Variants in SMARCC1 observed in about 807,000 individuals in gnomAD.
The protein encoded by SMARCC1 is SWI/SNF complex subunit SMARCC1.
A neutral mutation model predicts 147.4 loss-of-function variants in SMARCC1; 43 were observed. That is an observed-to-expected ratio of 0.29 (90% CI 0.23 to 0.38). SMARCC1 has a LOEUF of 0.38. Among genes scored for constraint, SMARCC1 ranks in the 10% least tolerant of loss-of-function variants. The pLI is 1.00. For missense variants in SMARCC1, 1,119 were observed against 1,381.1 expected, an observed-to-expected ratio of 0.81 and a Z score of 3.01; for synonymous variants, 495 against 484.4, an observed-to-expected ratio of 1.02 and a Z score of -0.29.
At chr3:47,668,817 T>G in intron 19 of SMARCC1, among the ~76,000 whole-genome samples, 1 of 151,326 alleles carries the variant, frequency 6.6e-6, no homozygotes, top group Non-Finnish European at 1.5e-5. Flanking sequence ...CTCGGGAAAT[T>G]GAGGCTGCAG....
intron 14 of SMARCC1, among the ~76,000 whole-genome samples, chr3:47,682,670 G>A (rs1455598779): frequency 2.0e-5 from 3 of 151,848 alleles, no homozygotes; most frequent in Non-Finnish European, 4.4e-5. Context: ...TCACTATTTT[G>A]GAATAATTAA....
intron 12 of SMARCC1, among the ~76,000 whole-genome samples, chr3:47,691,582 C>G (rs1281680127): frequency 1.3e-5 from 2 of 151,980 alleles, no homozygotes; most frequent in Non-Finnish European, 2.9e-5. Context: ...CTATTGCACT[C>G]CAGGCTGGGT....
rs1222923533 is a variant in SMARCC1, at chr3:47,680,316, C to CT, written c.1457+120dup. 13 of 733,920 alleles carry CT rather than the reference C, an allele frequency of 1.8e-5. No individual in the cohort carries two copies. In the East Asian group the frequency reaches 3.3e-4, roughly 19 times the overall value. 45.5% of individuals were successfully genotyped at this position (733,920 alleles called of 1,614,324 possible). ...ATGCTATGCAAATGAGATATGAACACTGTTCTGAAAGGAGTATTTGCAAAC... is the reference window on the plus strand; with the variant it reads ...ATGCTATGCAAATGAGATATGAACACTTGTTCTGAAAGGAGTATTTGCAAAC... On this transcript the variant is annotated intron_variant, in intron 15 of 27. Transcript: ENST00000254480.
intron 19 of SMARCC1, among the ~76,000 whole-genome samples, chr3:47,669,492 T>C: frequency 6.6e-6 from 1 of 152,150 alleles, no homozygotes; most frequent in East Asian, 1.9e-4. Context: ...TAGATATGGC[T>C]ATACAAAATA....
chr3:47,652,949 C>CTTTT (rs55872948), intron 21 of SMARCC1, among the ~76,000 whole-genome samples: 10 of 129,650 alleles, frequency 7.7e-5, no homozygotes, highest in African/African-American at 1.1e-4. Context: ...GCTTTACTTT[C>CTTTT]TTTTTTTTTT....
intron 25 of SMARCC1, among the ~76,000 whole-genome samples, chr3:47,620,481 AT>A (rs747684651): frequency 1.3e-5 from 2 of 151,748 alleles, no homozygotes; most frequent in East Asian, 3.9e-4. Flanking sequence ...AAAAAAAAAA[AT>A]TTGTTTTTGT....
chr3:47,780,529 A>G (rs1327902575), intron 1 of SMARCC1, among the ~76,000 whole-genome samples: 1 of 152,104 alleles, frequency 6.6e-6, no homozygotes, highest in African/African-American at 2.4e-5. Flanking sequence ...CCAAACACTG[A>G]CAGGCTTCAC....
intron 6 of SMARCC1, among the ~76,000 whole-genome samples, chr3:47,723,762 A>C (rs1337236981): frequency 1.3e-5 from 2 of 152,080 alleles, no homozygotes; most frequent in Admixed American, 6.6e-5. Context: ...GCGAGCGGAG[A>C]CCACACCACT....
At chr3:47,733,890 T>TAC (rs2034407521) in intron 5 of SMARCC1, among the ~76,000 whole-genome samples, 1 of 146,998 alleles carries the variant, frequency 6.8e-6, no homozygotes, top group Non-Finnish European at 1.5e-5. Context: ...AAGGTATATA[T>TAC]ACACGTATAT....
chr3:47,655,542 C>G (rs2033250362), intron 21 of SMARCC1, among the ~76,000 whole-genome samples: 1 of 150,896 alleles, frequency 6.6e-6, no homozygotes, highest in African/African-American at 2.4e-5. Context: ...ACCAAAAATA[C>G]AAAAATCAGC....
intron 24 of SMARCC1, among the ~76,000 whole-genome samples, chr3:47,631,888 A>G (rs1194676075): frequency 1.3e-5 from 2 of 152,184 alleles, no homozygotes; most frequent in Admixed American, 6.5e-5. Flanking sequence ...GAAAATGATC[A>G]TGTGTGCTAT....
At chr3:47,769,806 G>A (rs2034885746) in intron 2 of SMARCC1, among the ~76,000 whole-genome samples, 1 of 152,160 alleles carries the variant, frequency 6.6e-6, no homozygotes. Flanking sequence ...TGGAGAAAAG[G>A]AGCCCTTTTA....
chr3:47,747,075 C>T (rs1019040798), intron 2 of SMARCC1, among the ~76,000 whole-genome samples: 3 of 151,836 alleles, frequency 2.0e-5, no homozygotes, highest in African/African-American at 4.8e-5. Context: ...GTGAAAGAAT[C>T]ACTTGAGGCC....
intron 21 of SMARCC1, among the ~76,000 whole-genome samples, chr3:47,642,982 G>A (rs2033068863): frequency 6.6e-6 from 1 of 152,276 alleles, no homozygotes; most frequent in Middle Eastern, 3.4e-3. Flanking sequence ...GGAAGTTGAG[G>A]CTGCAGAGAG....
rs145327591 is a variant in SMARCC1 at position 47,681,211 on chromosome 3, G to A, written c.1386-703C>T. Among the ~76,000 whole-genome samples the A allele has an allele frequency of 1.2e-3, 188 of 152,300 alleles. 1 individual carries two copies. Among genetic ancestry groups the A allele is most frequent in the African/African-American group, 4.1e-3 (170 of 41,552 alleles). On this transcript the variant is annotated intron_variant, in intron 14 of 27. Coordinates refer to ENST00000254480, the MANE Select transcript of SMARCC1 (RefSeq NM_003074.4). The stretch of plus-strand genomic sequence containing the variant: ...AACAAACTGATGAAACAAATGACCA[G>A]AGTAGAGACAATGAATTTGCTAGTC...
At position 47,661,452 on chromosome 3, in the gene SMARCC1, T is replaced by C. The variant is rs781240517; in HGVS notation, c.2162A>G (p.Glu721Gly). 2 of 1,597,040 alleles carry C rather than the reference T, an allele frequency of 1.3e-6. No individual in the cohort carries two copies. Among genetic ancestry groups the C allele is most frequent in the Non-Finnish European group, 1.7e-6 (2 of 1,175,392 alleles). Reference protein sequence around the residue: ...ASAAAKAALEEFSRVREEVPL... With the variant: ...ASAAAKAALEGFSRVREEVPL... The stretch of plus-strand genomic sequence containing the variant: ...TACCTCCTCCCGGACCCGAGAAAAC[T>C]CCTCTGGTTCAAGAATAAAAATGGA... Residue 721 changes from glutamate to glycine, a missense_variant, in exon 21 of 28, where the codon GAG becomes GGG. Glu to Gly is a moderately conservative substitution (Grantham distance 98). Transcript: ENST00000254480.
chr3:47,693,085 G>A (rs899714269), intron 12 of SMARCC1, among the ~76,000 whole-genome samples, 156 bp downstream of exon 12: 2 of 152,062 alleles, frequency 1.3e-5, no homozygotes, highest in African/African-American at 2.4e-5. Context: ...TAGGAAAATC[G>A]CTGGAGCCCA....
chr3:47,766,832 T>C (rs970080533), intron 2 of SMARCC1, among the ~76,000 whole-genome samples: 2 of 152,178 alleles, frequency 1.3e-5, no homozygotes, highest in Non-Finnish European at 2.9e-5. Flanking sequence ...TCTCTCAGCA[T>C]TTGATAGAAC....
intron 3 of SMARCC1, among the ~76,000 whole-genome samples, chr3:47,744,187 G>T (rs2034541040): frequency 6.6e-6 from 1 of 152,086 alleles, no homozygotes; most frequent in Admixed American, 6.6e-5. Context: ...GACAGCCCAG[G>T]CAGGAGTGCA....
Sources: allele counts gnomAD v4.1 joint callset (sites outside exome capture counted in the v4.1 genomes callset), GRCh38; gene constraint gnomAD v4.1.1; transcripts MANE v1.5; gene names NCBI Gene and HGNC (gene_info 2026-07-23, HGNC 2026-07-21).